The following EXOC7 variants were observed in gnomAD, a reference collection of about 807,000 sequenced individuals.
EXOC7 encodes exocyst complex component Exo70.
EXOC7 carries 51 observed loss-of-function variants against 87.6 expected under a neutral mutation model. The ratio of observed to expected loss-of-function variants is 0.58; its 90% confidence interval spans 0.46 to 0.73. EXOC7 has a LOEUF of 0.73. Among genes scored for constraint, EXOC7 ranks in the 30% least tolerant of loss-of-function variants. The probability of loss-of-function intolerance (pLI) is 0.00; values close to 1 mark genes in which losing one functional copy is unlikely to be tolerated. For synonymous variants in EXOC7, 327 were observed against 357.1 expected (o/e 0.92, Z 0.95); for missense variants, 744 against 888.4 (o/e 0.84, Z 2.07).
At chr17:76,092,010 C>T (rs957572444) in intron 6 of EXOC7, among the ~76,000 whole-genome samples, 2 of 152,218 alleles carry the variant, frequency 1.3e-5, no homozygotes, top group African/African-American at 2.4e-5. Flanking sequence ...CACCCACAGC[C>T]GCCTGGGTCA....
chr17:76,090,359 C>A (rs1317692890), intron 7 of EXOC7: 2 of 1,551,652 alleles, frequency 1.3e-6, no homozygotes, highest in Admixed American at 2.0e-5. Flanking sequence ...TCGTTCAAGG[C>A]CTCGGACAGG....
intron 14 of EXOC7, 70 bp downstream of exon 14, chr17:76,085,586 AAGAGAAGGAGCCCAGGGGGGC>A (rs1443549529): frequency 1.9e-5 from 31 of 1,595,888 alleles, no homozygotes; most frequent in Non-Finnish European, 2.7e-5. Flanking sequence ...TCTCGTCCAC[AAGAGAAGGAGCCCAGGGGGGC>A]AGGGGCTGGC....
chr17:76,088,399 C>T, intron 10 of EXOC7, 65 bp downstream of exon 10: 2 of 1,506,958 alleles, frequency 1.3e-6, no homozygotes, highest in Non-Finnish European at 9.1e-7. Context: ...TCTGAGAGTC[C>T]CCCAGGGCCA....
chr17:76,091,325 C>T, intron 6 of EXOC7, 90 bp from the exon 7 acceptor site: 1 of 1,050,290 alleles, frequency 9.5e-7, no homozygotes, highest in South Asian at 1.3e-5. Flanking sequence ...CCCCCCAGGC[C>T]CCGCACCCAG....
rs201144256 is a variant in EXOC7 at position 76,100,115 on chromosome 17, C to CA, written c.417+1155dup. 5.2e-3 allele frequency among the ~76,000 whole-genome samples: 745 copies of CA among 142,916 alleles called. 12 individuals are homozygous for CA. Among genetic ancestry groups the CA allele is most frequent in the African/African-American group, 0.016 (636 of 38,870 alleles). The allele number at this position is 142,916 out of a possible 152,430, so 93.8% of individuals were successfully genotyped here. On this transcript the variant is annotated intron_variant, in intron 4 of 18. Coordinates refer to ENST00000589210, the MANE Select transcript of EXOC7 (RefSeq NM_001013839.4). ...GATCCTGTCTCTTAAGATAATAATG[C>CA]AAAAAAAAAAATCACATAGATTCAA...
chr17:76,083,560 G>A lies in EXOC7; in HGVS notation c.*88C>T. ...AGGTCTCTGTCCCAGAGGACTTCAA[G>A]CTCACCCAGCCCAGAGGCAAGCTAA... On this transcript the variant is annotated 3_prime_UTR_variant, in exon 19 of 19. Transcript: ENST00000589210. 1 of 1,361,282 alleles carries A rather than the reference G, an allele frequency of 7.3e-7. No homozygotes were observed. The highest frequency in any genetic ancestry group is 1.4e-5 in the African/African-American group (1 of 70,178). 84.3% of individuals were successfully genotyped at this position (1,361,282 alleles called of 1,614,324 possible).
At chr17:76,087,606 G>C (rs752802416) in intron 12 of EXOC7, 48 bp downstream of exon 12, 1 of 1,531,376 alleles carries the variant, frequency 6.5e-7, no homozygotes, top group Non-Finnish European at 8.8e-7. Flanking sequence ...CATGTCTCCA[G>C]GCAAGGAGGC....
Position 76,086,077 on chromosome 17 carries a change from C to T in EXOC7, c.1495+3G>A. On this transcript the variant is annotated splice_donor_region_variant and intron_variant, in intron 13 of 18. Coordinates refer to ENST00000589210, the MANE Select transcript of EXOC7 (RefSeq NM_001013839.4). ...CTGCTGGTCTGCCCGGGAGAACACT[C>T]ACAGATATAGGTGCTTAGCAGCCGC... The T allele has an allele frequency of 6.2e-7, 1 of 1,613,620 alleles. No homozygotes were observed. The highest frequency in any genetic ancestry group is 8.5e-7 in the Non-Finnish European group (1 of 1,180,010).
Position 76,081,927 on chromosome 17 carries a change from T to C in EXOC7, c.*1721A>G, listed in dbSNP as rs1178344230. Reference sequence around the variant, plus strand: ...CTGCTGCTGCTCTTCCTCAGCACCATAGAGACTGTGCTGCTGGCTGGGCTG... The same window carrying C: ...CTGCTGCTGCTCTTCCTCAGCACCACAGAGACTGTGCTGCTGGCTGGGCTG... On this transcript the variant is annotated 3_prime_UTR_variant, in exon 19 of 19. Transcript: ENST00000589210. The C allele has an allele frequency of 1.1e-5, 17 of 1,613,226 alleles. No homozygotes were observed. The highest frequency in any genetic ancestry group is 1.6e-4 in the Middle Eastern group (1 of 6,082).
At position 76,083,461 on chromosome 17, in the gene EXOC7, AAC is replaced by A. The variant is rs1392583226; in HGVS notation, c.*185_*186del. ...CCGGGAGAGTGCTGGTTCGGCTGGG[AAC>A]ACGGGCTGTGGGGAAAAAGCAGGAG... is the stretch of plus-strand genomic sequence containing the variant. On this transcript the variant is annotated 3_prime_UTR_variant, in exon 19 of 19. Transcript: ENST00000589210. 40 of 613,558 alleles carry A rather than the reference AAC, an allele frequency of 6.5e-5. No homozygotes were observed. In the East Asian group the frequency reaches 1.1e-3, roughly 17 times the overall value. 38.0% of individuals were successfully genotyped at this position (613,558 alleles called of 1,614,324 possible).
At chr17:76,091,409 T>C (rs757762933) in intron 6 of EXOC7, 174 bp from the exon 7 acceptor site, 149 of 590,022 alleles carry the variant, frequency 2.5e-4, no homozygotes, top group Admixed American at 1.6e-3. Flanking sequence ...AAAGGAGTCA[T>C]TTCCTTCTCC....
At position 76,088,084 on chromosome 17, in the gene EXOC7, G is replaced by A. The variant is rs2067294475; in HGVS notation, c.1338C>T (p.Gly446=). 1 of 1,614,010 alleles carries A rather than the reference G, an allele frequency of 6.2e-7. No individual in the cohort carries two copies. The highest frequency in any genetic ancestry group is 8.5e-7 in the Non-Finnish European group (1 of 1,179,994). ...CATTGCTGGTGAGCTCGTGTACGGT[G>A]CCGTCCTTCGGCATGTTGTACTCCT... is the stretch of plus-strand genomic sequence containing the variant. ...PDKEYNMPKD[G]TVHELTSNAI... Residue 446 remains glycine, a synonymous_variant, in exon 11 of 19, where the codon GGC becomes GGT. Coordinates refer to ENST00000589210, the MANE Select transcript of EXOC7 (RefSeq NM_001013839.4).
In EXOC7 at chr17:76,082,675, C is replaced by A; in HGVS notation, c.*973G>T. On this transcript the variant is annotated 3_prime_UTR_variant, in exon 19 of 19. Transcript: ENST00000589210. ...GTAAAGGGGCAGGGCCTGGGCTGCA[C>A]ACCTTAGGATGAAGTTTGCTTTCCC... 1 of 1,584,088 alleles carries A rather than the reference C, an allele frequency of 6.3e-7. No homozygotes were observed. Among genetic ancestry groups the A allele is most frequent in the Non-Finnish European group, 8.6e-7 (1 of 1,165,596 alleles).
At position 76,083,311 on chromosome 17, in the gene EXOC7, C is replaced by G. The variant is rs1202401917; in HGVS notation, c.*337G>C. On this transcript the variant is annotated 3_prime_UTR_variant, in exon 19 of 19. Coordinates refer to ENST00000589210, the MANE Select transcript of EXOC7 (RefSeq NM_001013839.4). ...GACCTAGGCTGGAGGGAGGGCCCTT[C>G]TGCCCTGCTGCTCTTGGTACACATG... The G allele has an allele frequency of 3.6e-6, 1 of 276,796 alleles. No homozygotes were observed. Among genetic ancestry groups the G allele is most frequent in the Non-Finnish European group, 7.0e-6 (1 of 143,014 alleles). 17.1% of individuals were successfully genotyped at this position (276,796 alleles called of 1,614,324 possible).
intron 1 of EXOC7, 71 bp from the exon 2 acceptor site, chr17:76,103,497 C>A: frequency 1.3e-6 from 2 of 1,546,274 alleles, no homozygotes; most frequent in Admixed American, 2.0e-5. Context: ...CCCAACCCCA[C>A]GGCCTAGCCC....
At chr17:76,088,156 G>T in intron 10 of EXOC7, 34 bp from the exon 11 acceptor site, 1 of 1,607,870 alleles carries the variant, frequency 6.2e-7, no homozygotes, top group Non-Finnish European at 8.5e-7. Context: ...CCCTGAAGCA[G>T]CCCCCAGCCC....
rs370977121 is a variant in EXOC7 at position 76,094,498 on chromosome 17, T to G, written c.724A>C (p.Ser242Arg). 5 of 1,614,016 alleles carry G rather than the reference T, an allele frequency of 3.1e-6. No individual in the cohort carries two copies. Among genetic ancestry groups the G allele is most frequent in the Non-Finnish European group, 4.2e-6 (5 of 1,180,030 alleles). ...GAGTAGGGAACCCCAGAGGAAGAAC[T>G]GCTCTTATGGAAATGCTCCTTCAGT... The part of the protein sequence containing the change: ...KGLKEHFHKS[S>R]SSSGVPYSPA... Residue 242 changes from serine (S) to arginine (R), a missense_variant, in exon 6 of 19, where the codon AGT becomes CGT. Ser to Arg is a moderately radical substitution (Grantham distance 110). Transcript: ENST00000589210.
intron 18 of EXOC7, 28 bp from the exon 19 acceptor site, chr17:76,083,778 G>C (rs2067081283): frequency 1.9e-6 from 3 of 1,604,144 alleles, no homozygotes; most frequent in African/African-American, 1.3e-5. Flanking sequence ...TCAGGGGACA[G>C]GGAGGGCCGA....
intron 18 of EXOC7, 80 bp from the exon 19 acceptor site, chr17:76,083,830 G>T: frequency 1.3e-6 from 2 of 1,537,852 alleles, no homozygotes; most frequent in Non-Finnish European, 1.8e-6. Flanking sequence ...ACTCCTGATA[G>T]TCTTGGAAGG....
Sources: gnomAD v4.1 joint callset for allele counts (sites outside exome capture counted in the v4.1 genomes callset) on GRCh38, gnomAD v4.1.1 for gene constraint, MANE v1.5 for transcripts, NCBI Gene and HGNC (gene_info 2026-07-23, HGNC 2026-07-21) for gene names.